ENPEP: variants seen among roughly 807,000 people sequenced by gnomAD.
ENPEP encodes the protein glutamyl aminopeptidase, also known as AP-A.
In ENPEP, 103 loss-of-function variants were observed where a neutral mutation model predicts 114.5. The ratio of observed to expected loss-of-function variants is 0.90; its 90% CI spans 0.77 to 1.06. ENPEP has a LOEUF of 1.06. Among genes scored for constraint, ENPEP ranks in the 50% least tolerant of loss-of-function variants. ENPEP has a pLI of 0.00. For missense variants in ENPEP, 1,196 were observed against 1,161.3 expected, an observed-to-expected ratio of 1.03 and a Z score of -0.43; for synonymous variants, 420 against 422.0, an observed-to-expected ratio of 1.00 and a Z score of 0.06.
rs143107150 is a variant in ENPEP, at chr4:110,476,991, G to C, written c.577G>C (p.Ala193Pro). The change falls in exon 1 of 20, where the codon GCC becomes CCC. Residue 193 changes from alanine to proline, a missense_variant. Transcript: ENST00000265162. ...CCTGTATCTCCTGACCATGGAGTTCGCCGGCTGGCTGAACGGCTCCCTCGT... is the reference window on the plus strand; with the variant it reads ...CCTGTATCTCCTGACCATGGAGTTCCCCGGCTGGCTGAACGGCTCCCTCGT... The part of the protein sequence containing the change: ...DGLYLLTMEF[A>P]GWLNGSLVGF... 1 of 1,614,170 alleles carries C rather than the reference G, an allele frequency of 6.2e-7. No individual in the cohort carries two copies. The highest frequency in any genetic ancestry group is 8.5e-7 in the Non-Finnish European group (1 of 1,180,032).
rs1285294978 is a variant in ENPEP at position 110,531,197 on chromosome 4, G to T, written c.1728-1G>T. 7 of 1,435,586 alleles carry T rather than the reference G, an allele frequency of 4.9e-6. No homozygotes were observed. The highest frequency in any genetic ancestry group is 4.9e-5 in the Admixed American group (2 of 40,522). The allele number at this position is 1,435,586 out of a possible 1,614,324, so 88.9% of individuals were successfully genotyped here. A position where few individuals can be genotyped will look rare whatever the true frequency, so the allele number is the denominator to read the frequency against. ...AATTTTTCTTTTTAAAAAAATTTTA[G>T]TTATACATGGAATATCCCAGTTAAA... On this transcript the variant is annotated splice_acceptor_variant, in intron 10 of 19. Transcript: ENST00000265162. LOFTEE classifies it high-confidence loss of function.
chr4:110,521,901 CAG>C (rs1392151833), intron 10 of ENPEP, among the ~76,000 whole-genome samples: 2 of 150,272 alleles, frequency 1.3e-5, no homozygotes, highest in Admixed American at 6.6e-5. Context: ...TTTTTCGAGA[CAG>C]AGTCTCACTC....
intron 8 of ENPEP, chr4:110,519,297 A>C: frequency 3.7e-6 from 1 of 270,238 alleles, no homozygotes; most frequent in Non-Finnish European, 7.6e-6. Flanking sequence ...TGCAAAGTTA[A>C]CATTAAGAAC....
intron 11 of ENPEP, among the ~76,000 whole-genome samples, chr4:110,537,943 G>A (rs1187304818): frequency 1.3e-5 from 2 of 152,304 alleles, no homozygotes; most frequent in East Asian, 3.9e-4. Context: ...TGAGCAGCAG[G>A]TCTCAACAAT....
chr4:110,499,357 T>C (rs2110344501), intron 3 of ENPEP, among the ~76,000 whole-genome samples: 1 of 152,342 alleles, frequency 6.6e-6, no homozygotes, highest in East Asian at 1.9e-4. Flanking sequence ...AGATTCAGTC[T>C]TATAAGTAGA....
At chr4:110,485,091 A>G (rs376597329) in intron 1 of ENPEP, among the ~76,000 whole-genome samples, 7 of 152,184 alleles carry the variant, frequency 4.6e-5, no homozygotes, top group Non-Finnish European at 1.0e-4. Context: ...CTGACTAAAC[A>G]TGGGGTTGGA....
At chr4:110,509,136 C>T (rs978733777) in intron 4 of ENPEP, among the ~76,000 whole-genome samples, 6 of 152,200 alleles carry the variant, frequency 3.9e-5, no homozygotes, top group Admixed American at 1.3e-4. Flanking sequence ...CTCCATGTTT[C>T]TCCAACCAAT....
At chr4:110,504,872 G>A (rs774252068) in intron 3 of ENPEP, among the ~76,000 whole-genome samples, 5 of 152,158 alleles carry the variant, frequency 3.3e-5, no homozygotes, top group African/African-American at 7.2e-5. Context: ...CTCCACCTAC[G>A]GTGGGAGACC....
chr4:110,534,301 T>A (rs655882), intron 11 of ENPEP, among the ~76,000 whole-genome samples: 1 of 152,078 alleles, frequency 6.6e-6, no homozygotes, highest in African/African-American at 2.4e-5. Flanking sequence ...TAATTTCTAA[T>A]GAAAGAAGAG....
chr4:110,490,937 T>C, intron 2 of ENPEP, 96 bp from the exon 3 acceptor site: 1 of 1,337,814 alleles, frequency 7.5e-7, no homozygotes, highest in Non-Finnish European at 1.0e-6. Context: ...GACTTCTGGC[T>C]AGAAAGCAAG....
intron 3 of ENPEP, chr4:110,506,202 A>AAGAGAC (rs1200583863): frequency 1.3e-5 from 2 of 149,290 alleles, no homozygotes; most frequent in Admixed American, 6.6e-5. Flanking sequence ...CACAGAGAGA[A>AAGAGAC]AGAGACAGAG....
intron 7 of ENPEP, 56 bp from the exon 8 acceptor site, chr4:110,515,321 C>G (rs368535852): frequency 7.1e-7 from 1 of 1,408,624 alleles, no homozygotes; most frequent in African/African-American, 1.4e-5. Context: ...AATAACTGAT[C>G]ATTGTTCCTT....
intron 18 of ENPEP, among the ~76,000 whole-genome samples, chr4:110,556,947 T>C (rs1387795685): frequency 6.6e-6 from 1 of 152,170 alleles, no homozygotes; most frequent in Non-Finnish European, 1.5e-5. Context: ...CATGAAGCTT[T>C]GAGTAGAGAC....
intron 11 of ENPEP, among the ~76,000 whole-genome samples, chr4:110,531,861 T>C (rs1484390795): frequency 6.6e-6 from 1 of 152,154 alleles, no homozygotes; most frequent in Admixed American, 6.5e-5. Context: ...TTTTTTCCAT[T>C]GTATTTGTTT....
At position 110,553,369 on chromosome 4, in the gene ENPEP, A is replaced by C. The variant is rs1727360014; in HGVS notation, c.2556A>C (p.Thr852=). The C allele has an allele frequency of 6.2e-7, 1 of 1,611,622 alleles. No homozygotes were observed. The highest frequency in any genetic ancestry group is 8.5e-7 in the Non-Finnish European group (1 of 1,178,340). The change falls in exon 18 of 20, where the codon ACA becomes ACC. Residue 852 remains threonine (T), a synonymous_variant. Transcript: ENST00000265162. ...TNLIKTQDVF[T]VIRYISYNSY... ...TTATTAAAACTCAGGATGTGTTTAC[A>C]GTCATTCGATATATCTCATATAACA...
chr4:110,531,764 CCTT>C (rs1281824279), intron 11 of ENPEP, among the ~76,000 whole-genome samples: 1 of 151,994 alleles, frequency 6.6e-6, no homozygotes, highest in Non-Finnish European at 1.5e-5. Context: ...AACAAGTAAA[CCTT>C]CTCACGAAAT....
intron 3 of ENPEP, 85 bp from the exon 4 acceptor site, chr4:110,506,552 T>C: frequency 7.1e-7 from 1 of 1,409,504 alleles, no homozygotes; most frequent in Non-Finnish European, 9.4e-7. Flanking sequence ...GCCCACTTTC[T>C]TTCAAGTATG....
Position 110,477,011 on chromosome 4 carries a change from C to T in ENPEP, c.597C>T (p.Ser199=), listed in dbSNP as rs865935749. 6.2e-7 allele frequency: 1 copy of T among 1,614,142 alleles called. No homozygotes were observed. Among genetic ancestry groups the T allele is most frequent in the Non-Finnish European group, 8.5e-7 (1 of 1,180,026 alleles). Residue 199 remains serine (S), a synonymous_variant, in exon 1 of 20, where the codon TCC becomes TCT. Transcript: ENST00000265162. ...TMEFAGWLNG[S]LVGFYRTTYT... is the part of the protein sequence containing the mutation. ...AGTTCGCCGGCTGGCTGAACGGCTC[C>T]CTCGTGGGATTTTATAGAACCACCT... is the stretch of plus-strand genomic sequence containing the variant.
chr4:110,484,046 AT>A (rs1385619250), intron 1 of ENPEP, among the ~76,000 whole-genome samples: 9 of 152,152 alleles, frequency 5.9e-5, no homozygotes, highest in Non-Finnish European at 1.0e-4. Context: ...ACACCAAGTA[AT>A]TTTGTTCCAG....
Sources: allele counts gnomAD v4.1 joint callset (sites outside exome capture counted in the v4.1 genomes callset), GRCh38; gene constraint gnomAD v4.1.1; transcripts MANE v1.5; gene names NCBI Gene and HGNC (gene_info 2026-07-23, HGNC 2026-07-21).